PIGM: variants seen among roughly 807,000 people sequenced by gnomAD.
PIGM encodes phosphatidylinositol glycan anchor biosynthesis class M, also known as GPI alpha-1,4-mannosyltransferase I, catalytic subunit.
In PIGM, 7 loss-of-function variants were observed where a neutral mutation model predicts 14.6. The ratio of observed to expected loss-of-function variants is 0.48; its 90% confidence interval spans 0.27 to 0.90. The LOEUF is 0.90. Among genes scored for constraint, PIGM ranks in the 40% least tolerant of loss-of-function variants. PIGM has a pLI of 0.12. For synonymous variants in PIGM, 216 were observed against 215.9 expected, an observed-to-expected ratio of 1.00 and a Z score of 0.00; for missense variants, 506 against 516.2, an observed-to-expected ratio of 0.98 and a Z score of 0.19.
rs1210193028 is a variant in PIGM at position 160,027,337 on chromosome 1, T to A, written c.*3131A>T. ...CAAGTTCTACACAACTTCTGAAACA[T>A]CTTGTAAGAGTCCAGATGGTGAGAA... On this transcript the variant is annotated 3_prime_UTR_variant, in exon 1 of 1. Transcript: ENST00000368090. 2.6e-5 allele frequency: 4 copies of A among 152,190 alleles called. No individual in the cohort carries two copies. In the East Asian group the frequency reaches 7.7e-4, roughly 29 times the overall value. 9.4% of individuals were successfully genotyped at this position (152,190 alleles called of 1,614,324 possible). A position where few individuals can be genotyped will look rare whatever the true frequency, so the allele number is the denominator to read the frequency against.
rs1361280446 is a variant in PIGM at position 160,031,608 on chromosome 1, G to T, written c.132C>A (p.His44Gln). ...GGTAGTCGATGTCCGTATACCTCAC[G>T]TGCAGGGTCCGGTCCTGGAAGACGC... ...FYGVFQDRTL[H>Q]VRYTDIDYQV... The change falls in exon 1 of 1, where the codon CAC becomes CAA. Residue 44 changes from histidine to glutamine, a missense_variant. Physicochemically the swap from His to Gln is conservative, Grantham distance 24. Transcript: ENST00000368090. The T allele has an allele frequency of 6.2e-7, 1 of 1,614,158 alleles. No homozygotes were observed. Among genetic ancestry groups the T allele is most frequent in the Admixed American group, 1.7e-5 (1 of 60,026 alleles).
At position 160,029,892 on chromosome 1, in the gene PIGM, ATTT is replaced by A. The variant is rs35580584; in HGVS notation, c.*573_*575del. ...AGGGGTGCACCACAACACCTGGCTA[ATTT>A]TTTTTTTTTTTTTTGAGACTAGGTC... On this transcript the variant is annotated 3_prime_UTR_variant, in exon 1 of 1. Coordinates refer to ENST00000368090, the MANE Select transcript of PIGM (RefSeq NM_145167.3). 3.2e-5 allele frequency: 4 copies of A among 125,996 alleles called. No homozygotes were observed. Among genetic ancestry groups the A allele is most frequent in the Non-Finnish European group, 4.9e-5 (3 of 61,410 alleles). 7.8% of individuals were successfully genotyped at this position (125,996 alleles called of 1,614,324 possible). A position where few individuals can be genotyped will look rare whatever the true frequency, so the allele number is the denominator to read the frequency against.
chr1:160,030,773 T>C lies in PIGM; in HGVS notation c.967A>G (p.Ile323Val). 1 of 1,614,042 alleles carries C rather than the reference T, an allele frequency of 6.2e-7. No individual in the cohort carries two copies. Among genetic ancestry groups the C allele is most frequent in the African/African-American group, 1.3e-5 (1 of 74,982 alleles). The change falls in exon 1 of 1, where the codon ATT becomes GTT. Residue 323 changes from isoleucine to valine, a missense_variant. Transcript: ENST00000368090. Reference protein sequence around the residue: ...LVFCCFLHTSIFVTFNKVCTS... With the variant: ...LVFCCFLHTSVFVTFNKVCTS... ...CAGACTTTGTTAAAAGTCACAAAAA[T>C]GGACGTATGAAGAAAACAACAAAAA...
rs1648228661 is a variant in PIGM at position 160,028,238 on chromosome 1, G to C, written c.*2230C>G. 1 of 151,548 alleles carries C rather than the reference G, an allele frequency of 6.6e-6. No homozygotes were observed. Among genetic ancestry groups the C allele is most frequent in the African/African-American group, 2.4e-5 (1 of 41,266 alleles). 9.4% of individuals were successfully genotyped at this position (151,548 alleles called of 1,614,324 possible). On this transcript the variant is annotated 3_prime_UTR_variant, in exon 1 of 1. Coordinates refer to ENST00000368090, the MANE Select transcript of PIGM (RefSeq NM_145167.3). ...TACAAAAAAAGGGACAACTATACTG[G>C]AATGATGAAATTCGATTTCTGTTTC...
At position 160,031,766 on chromosome 1, in the gene PIGM, C is replaced by A; in HGVS notation, c.-27G>T. 1 of 1,613,586 alleles carries A rather than the reference C, an allele frequency of 6.2e-7. No homozygotes were observed. The highest frequency in any genetic ancestry group is 1.1e-5 in the South Asian group (1 of 91,056). ...ATCTGACCGTGCGACAGCTGCTTAG[C>A]CCCAGCTCCAAACTGCCTTCGTACT... On this transcript the variant is annotated 5_prime_UTR_variant, in exon 1 of 1. Coordinates refer to ENST00000368090, the MANE Select transcript of PIGM (RefSeq NM_145167.3).
rs1349913368 is a variant in PIGM at position 160,026,043 on chromosome 1, T to C, written c.*4425A>G. The C allele has an allele frequency of 6.6e-6, 1 of 152,198 alleles. No homozygotes were observed. Among genetic ancestry groups the C allele is most frequent in the African/African-American group, 2.4e-5 (1 of 41,446 alleles). The allele number at this position is 152,198 out of a possible 1,614,324, so 9.4% of individuals were successfully genotyped here. On this transcript the variant is annotated 3_prime_UTR_variant, in exon 1 of 1. Transcript: ENST00000368090. ...TGGATATTAAGATTCCAAACCTGTA[T>C]AATCTTTTATCTGGAAAACCTACCA...
rs777830292 is a variant in PIGM at position 160,031,543 on chromosome 1, C to T, written c.197G>A (p.Arg66His). ...GTACGTGGCTCTCAGGTAAGGCGAG[C>T]GCCCCTCCGTGACGAAGCGCGCGGC... is the stretch of plus-strand genomic sequence containing the variant. ...TDAARFVTEG[R>H]SPYLRATYRY... Residue 66 changes from arginine (R) to histidine (H), a missense_variant, in exon 1 of 1, where the codon CGC (arginine) becomes CAC (histidine). By Grantham distance (29) the Arg-to-His change is conservative. Coordinates refer to ENST00000368090, the MANE Select transcript of PIGM (RefSeq NM_145167.3). 6.2e-7 allele frequency: 1 copy of T among 1,614,182 alleles called. No individual in the cohort carries two copies. The highest frequency in any genetic ancestry group is 2.2e-5 in the East Asian group (1 of 44,884).
chr1:160,031,135 T>C lies in PIGM; in HGVS notation c.605A>G (p.Lys202Arg), dbSNP rs368232644. The stretch of plus-strand genomic sequence containing the variant: ...AGTGTACCGGAATTGACGGAGGCTT[T>C]TGTCATTGTCGCGATCTGGAAGCAG... ...LHLLPDRDNDKSLRQFRYTFQ... is the reference protein window; with the variant it reads ...LHLLPDRDNDRSLRQFRYTFQ... The change falls in exon 1 of 1, where the codon AAA (lysine) becomes AGA (arginine). Residue 202 changes from lysine (K) to arginine (R), a missense_variant. By Grantham distance (26) the Lys-to-Arg change is conservative. Coordinates refer to ENST00000368090, the MANE Select transcript of PIGM (RefSeq NM_145167.3). 3.7e-6 allele frequency: 6 copies of C among 1,613,866 alleles called. No individual in the cohort carries two copies. In the African/African-American group the frequency reaches 5.3e-5, roughly 14 times the overall value.
chr1:160,031,193 G>A lies in PIGM; in HGVS notation c.547C>T (p.Pro183Ser), dbSNP rs771495567. The A allele has an allele frequency of 7.4e-6, 12 of 1,614,008 alleles. No individual in the cohort carries two copies. The highest frequency in any genetic ancestry group is 1.3e-5 in the African/African-American group (1 of 74,890). Residue 183 changes from proline to serine, a missense_variant, in exon 1 of 1, where the codon CCA (proline) becomes TCA (serine). Transcript: ENST00000368090. ...GTTATGGGAAGGATGTAAGTCACTG[G>A]ATATATCTTCATATGCACCGCGAAA... is the stretch of plus-strand genomic sequence containing the variant. Reference protein sequence around the residue: ...YGFAVHMKIYPVTYILPITLH... With the variant: ...YGFAVHMKIYSVTYILPITLH...
chr1:160,027,005 G>C lies in PIGM; in HGVS notation c.*3463C>G, dbSNP rs990178887. ...TAGCACTTTTTTTTTTGTACAGATG[G>C]GGGTCTCACTATGTTGTCCAGGCTG... is the stretch of plus-strand genomic sequence containing the variant. On this transcript the variant is annotated 3_prime_UTR_variant, in exon 1 of 1. Transcript: ENST00000368090. 1 of 151,658 alleles carries C rather than the reference G, an allele frequency of 6.6e-6. No individual in the cohort carries two copies. The highest frequency in any genetic ancestry group is 2.4e-5 in the African/African-American group (1 of 41,234). The allele number at this position is 151,658 out of a possible 1,614,324, so 9.4% of individuals were successfully genotyped here.
rs781090696 is a variant in PIGM at position 160,030,910 on chromosome 1, A to T, written c.830T>A (p.Met277Lys). The T allele has an allele frequency of 1.2e-6, 2 of 1,614,220 alleles. No homozygotes were observed. The highest frequency in any genetic ancestry group is 1.7e-6 in the Non-Finnish European group (2 of 1,180,014). The change falls in exon 1 of 1, where the codon ATG (methionine) becomes AAG (lysine). Residue 277 changes from methionine to lysine, a missense_variant. Coordinates refer to ENST00000368090, the MANE Select transcript of PIGM (RefSeq NM_145167.3). ...IRHNFSPYFY[M>K]LYLTAESKWS... The stretch of plus-strand genomic sequence containing the variant: ...CTTGCTCTCTGCAGTCAAATACAGC[A>T]TGTAGAAGTACGGAGAAAAGTTGTG...
At position 160,030,599 on chromosome 1, in the gene PIGM, G is replaced by C; in HGVS notation, c.1141C>G (p.Gln381Glu). ...WLAPAYVLEF[Q>E]GKNTFLFIWL... ...ATAAACAGAAAGGTGTTCTTTCCTTGAAACTCTAGAACATAGGCAGGAGCC... is the reference window on the plus strand; with the variant it reads ...ATAAACAGAAAGGTGTTCTTTCCTTCAAACTCTAGAACATAGGCAGGAGCC... The change falls in exon 1 of 1, where the codon CAA (glutamine) becomes GAA (glutamate). Residue 381 changes from glutamine (Q) to glutamate (E), a missense_variant. Coordinates refer to ENST00000368090, the MANE Select transcript of PIGM (RefSeq NM_145167.3). 1.2e-6 allele frequency: 2 copies of C among 1,614,154 alleles called. No individual in the cohort carries two copies. The highest frequency in any genetic ancestry group is 1.7e-6 in the Non-Finnish European group (2 of 1,180,002).
At position 160,030,873 on chromosome 1, in the gene PIGM, G is replaced by C. The variant is rs776974327; in HGVS notation, c.867C>G (p.Ser289=). ...YLTAESKWSF[S]LGIAAFLPQL... is the part of the protein sequence containing the mutation. ...GTGGCAGGAATGCAGCAATTCCCAG[G>C]GAAAAACTCCACTTGCTCTCTGCAG... The change falls in exon 1 of 1, where the codon TCC becomes TCG. Residue 289 remains serine, a synonymous_variant. Transcript: ENST00000368090. 6.2e-7 allele frequency: 1 copy of C among 1,614,226 alleles called. No homozygotes were observed. The highest frequency in any genetic ancestry group is 2.2e-5 in the East Asian group (1 of 44,884).
rs1460735864 is a variant in PIGM, at chr1:160,029,985, C to G, written c.*483G>C. 1 of 163,328 alleles carries G rather than the reference C, an allele frequency of 6.1e-6. No homozygotes were observed. The highest frequency in any genetic ancestry group is 2.4e-5 in the African/African-American group (1 of 41,248). 10.1% of individuals were successfully genotyped at this position (163,328 alleles called of 1,614,324 possible). A position where few individuals can be genotyped will look rare whatever the true frequency, so the allele number is the denominator to read the frequency against. ...CAAGCGACCCTCCCACCTCAGCCTCCCAAAGTGCTGAGACTACAGGCAAGG... is the reference window on the plus strand; with the variant it reads ...CAAGCGACCCTCCCACCTCAGCCTCGCAAAGTGCTGAGACTACAGGCAAGG... On this transcript the variant is annotated 3_prime_UTR_variant, in exon 1 of 1. Coordinates refer to ENST00000368090, the MANE Select transcript of PIGM (RefSeq NM_145167.3).
Position 160,025,774 on chromosome 1 carries a change from CAT to C in PIGM, c.*4692_*4693del, listed in dbSNP as rs1313220111. On this transcript the variant is annotated 3_prime_UTR_variant, in exon 1 of 1. Coordinates refer to ENST00000368090, the MANE Select transcript of PIGM (RefSeq NM_145167.3). ...TTGGGTACTCTGGAAAAATCCAAAACATAATATAATGGAAAAAGCATGGGTAA... is the reference window on the plus strand; with the variant it reads ...TTGGGTACTCTGGAAAAATCCAAAACAATATAATGGAAAAAGCATGGGTAA... The C allele has an allele frequency of 6.6e-6, 1 of 152,154 alleles. No homozygotes were observed. Among genetic ancestry groups the C allele is most frequent in the Non-Finnish European group, 1.5e-5 (1 of 68,024 alleles). The allele number at this position is 152,154 out of a possible 1,614,324, so 9.4% of individuals were successfully genotyped here.
rs1239043021 is a variant in PIGM, at chr1:160,028,994, T to A, written c.*1474A>T. The A allele has an allele frequency of 6.6e-6, 1 of 152,204 alleles. No homozygotes were observed. Among genetic ancestry groups the A allele is most frequent in the African/African-American group, 2.4e-5 (1 of 41,436 alleles). 9.4% of individuals were successfully genotyped at this position (152,204 alleles called of 1,614,324 possible). A position where few individuals can be genotyped will look rare whatever the true frequency, so the allele number is the denominator to read the frequency against. ...TTTCCCTCACAGGTCTGCATTTCTA[T>A]CATGGAATTTTTGATTTTTTTTTTT... On this transcript the variant is annotated 3_prime_UTR_variant, in exon 1 of 1. Transcript: ENST00000368090.
In PIGM at chr1:160,031,380, C is replaced by T. The variant is rs572601216; in HGVS notation, c.360G>A (p.Gly120=). The change falls in exon 1 of 1, where the codon GGG becomes GGA. Residue 120 remains glycine, a synonymous_variant. Transcript: ENST00000368090. ...CACAGTAGCCACAAGCCTGGCGGCG[C>T]CCCAGCCCCTTCAGCAGCAGCAGGC... ...LYRLLLLKGL[G]RRQACGYCVF... is the part of the protein sequence containing the mutation. 2 of 1,607,266 alleles carry T rather than the reference C, an allele frequency of 1.2e-6. No individual in the cohort carries two copies. The highest frequency in any genetic ancestry group is 1.3e-5 in the African/African-American group (1 of 74,650).
chr1:160,031,057 A>G lies in PIGM; in HGVS notation c.683T>C (p.Leu228Pro). The change falls in exon 1 of 1, where the codon CTG becomes CCG. Residue 228 changes from leucine (L) to proline (P), a missense_variant. Transcript: ENST00000368090. ...LLKRLCNRAV[L>P]LFVAVAGLTF... ...GAGTCCAGCAACTGCTACAAACAGC[A>G]GCACAGCCCGATTACACAGCCTTTT... The G allele has an allele frequency of 6.2e-7, 1 of 1,614,208 alleles. No homozygotes were observed. The highest frequency in any genetic ancestry group is 1.1e-5 in the South Asian group (1 of 91,084).
rs2101919444 is a variant in PIGM, at chr1:160,030,528, C to G, written c.1212G>C (p.Leu404=). Residue 404 remains leucine (L), a synonymous_variant, in exon 1 of 1, where the codon CTG becomes CTC. Transcript: ENST00000368090. ...CTTTGTAATGGGAAATAATTTGAAT[C>G]AGGATGGAACAATTGATAAGAAGAA... The part of the protein sequence containing the change: ...LFFLLINCSI[L]IQIISHYKEE... 6.2e-7 allele frequency: 1 copy of G among 1,613,816 alleles called. No individual in the cohort carries two copies. The highest frequency in any genetic ancestry group is 8.5e-7 in the Non-Finnish European group (1 of 1,179,728).
Sources: gnomAD v4.1 joint callset for allele counts on GRCh38, gnomAD v4.1.1 for gene constraint, MANE v1.5 for transcripts, NCBI Gene and HGNC (gene_info 2026-07-23, HGNC 2026-07-21) for gene names.